Variants in UBE3C observed in about 807,000 individuals in gnomAD.
UBE3C encodes the protein ubiquitin-protein ligase E3C.
Under a neutral mutation model 129.4 loss-of-function variants are expected in UBE3C, and 42 were observed. The observed-to-expected ratio is 0.32, with a 90% CI of 0.25 to 0.42. UBE3C has a LOEUF of 0.42. Among genes scored for constraint, UBE3C ranks in the 10% least tolerant of loss-of-function variants. The pLI, the probability that UBE3C is intolerant of heterozygous loss-of-function variation, is 1.00. For missense variants in UBE3C, 1,049 were observed against 1,319.1 expected (o/e 0.80, Z 3.17); for synonymous variants, 510 against 492.4 (o/e 1.04, Z -0.47).
intron 22 of UBE3C, among the ~76,000 whole-genome samples, chr7:157,266,263 G>A (rs962681149): frequency 7.2e-5 from 11 of 152,148 alleles, no homozygotes; most frequent in Admixed American, 2.0e-4. Flanking sequence ...GCAGTAAGCC[G>A]AGATTGCACC....
At chr7:157,182,569 CAG>C (rs1586669525) in intron 8 of UBE3C, among the ~76,000 whole-genome samples, 1 of 152,150 alleles carries the variant, frequency 6.6e-6, no homozygotes, top group Non-Finnish European at 1.5e-5. Flanking sequence ...ATAGAGTTAA[CAG>C]AGTTAAATGG....
chr7:157,183,161 A>G (rs980919830), intron 8 of UBE3C, among the ~76,000 whole-genome samples: 4 of 152,132 alleles, frequency 2.6e-5, no homozygotes, highest in African/African-American at 7.2e-5. Context: ...TAGGTATTCT[A>G]CAATTCAGTT....
At position 157,183,258 on chromosome 7, in the gene UBE3C, C is replaced by T. The variant is rs117368856; in HGVS notation, c.992-620C>T. On this transcript the variant is annotated intron_variant, in intron 8 of 22. Coordinates refer to ENST00000348165, the MANE Select transcript of UBE3C (RefSeq NM_014671.3). ...GCAAGACTACACCCACTTCAGAGGC[C>T]GATTACAAGTAGTAGGTTGTCACCT... is the stretch of plus-strand genomic sequence containing the variant. Among the ~76,000 whole-genome samples the T allele has an allele frequency of 3.7e-3, 562 of 152,264 alleles. 3 individuals are homozygous for T. Among genetic ancestry groups the T allele is most frequent in the Middle Eastern group, 6.8e-3 (2 of 294 alleles).
chr7:157,156,872 A>G (rs907097351), intron 1 of UBE3C, among the ~76,000 whole-genome samples: 7 of 152,112 alleles, frequency 4.6e-5, no homozygotes, highest in South Asian at 2.1e-4. Flanking sequence ...TGAATGCCCT[A>G]TAATTTTCAG....
chr7:157,227,437 G>T (rs28463479), intron 17 of UBE3C, among the ~76,000 whole-genome samples: 1 of 151,974 alleles, frequency 6.6e-6, no homozygotes, highest in African/African-American at 2.4e-5. Flanking sequence ...AGTGGCTCAC[G>T]CCTGTAATCC....
intron 10 of UBE3C, 105 bp downstream of exon 10, chr7:157,187,126 A>G (rs1388189986): frequency 3.9e-6 from 5 of 1,294,022 alleles, no homozygotes. Context: ...TTTCTGGTAG[A>G]GATTGATGTA....
At position 157,186,817 on chromosome 7, in the gene UBE3C, G is replaced by T; in HGVS notation, c.1144-17G>T. 1 of 1,612,856 alleles carries T rather than the reference G, an allele frequency of 6.2e-7. No individual in the cohort carries two copies. The highest frequency in any genetic ancestry group is 8.5e-7 in the Non-Finnish European group (1 of 1,179,108). Reference sequence around the variant, plus strand: ...TTGAGCACATTTATGGAGACTGGTTGTTCTGGTATGTTCTAGGAGGATGGC... The same window carrying T: ...TTGAGCACATTTATGGAGACTGGTTTTTCTGGTATGTTCTAGGAGGATGGC... On this transcript the variant is annotated splice_polypyrimidine_tract_variant and intron_variant, in intron 9 of 22. Transcript: ENST00000348165.
intron 11 of UBE3C, among the ~76,000 whole-genome samples, chr7:157,204,417 A>T (rs1267500753): frequency 6.6e-6 from 1 of 151,492 alleles, no homozygotes; most frequent in African/African-American, 2.4e-5. Flanking sequence ...AAAAAAAAAA[A>T]ATTTCAGCTT....
At chr7:157,249,223 G>A (rs1000389382) in intron 19 of UBE3C, among the ~76,000 whole-genome samples, 3 of 151,936 alleles carry the variant, frequency 2.0e-5, no homozygotes, top group South Asian at 2.1e-4. Flanking sequence ...CAGAGCAACC[G>A]TGCACCCATT....
chr7:157,148,989 A>G (rs1048408809), intron 1 of UBE3C, among the ~76,000 whole-genome samples: 1 of 152,158 alleles, frequency 6.6e-6, no homozygotes. Flanking sequence ...CTTCGAATAC[A>G]GTTATGCTGT....
intron 17 of UBE3C, among the ~76,000 whole-genome samples, chr7:157,230,302 G>T (rs1795987841): frequency 6.6e-6 from 1 of 151,772 alleles, no homozygotes; most frequent in Non-Finnish European, 1.5e-5. Flanking sequence ...GATCAGGGTT[G>T]TCCAATCCTT....
In UBE3C at chr7:157,234,230, ATGTCT is replaced by A. The variant is rs1275289609; in HGVS notation, c.2481+2905_2481+2909del. On this transcript the variant is annotated intron_variant, in intron 18 of 22. Coordinates refer to ENST00000348165, the MANE Select transcript of UBE3C (RefSeq NM_014671.3). ...TTTTTTCTTTTATTGCTTGTTTTTG[ATGTCT>A]TATCCATTCCCTGACCTAAAATCAC... Among the ~76,000 whole-genome samples, 5 of 151,800 alleles carry A rather than the reference ATGTCT, an allele frequency of 3.3e-5. No individual in the cohort carries two copies. In the East Asian group the frequency reaches 7.7e-4, roughly 23 times the overall value.
chr7:157,180,420 G>A (rs940303148), intron 6 of UBE3C, among the ~76,000 whole-genome samples: 2 of 152,146 alleles, frequency 1.3e-5, no homozygotes, highest in Admixed American at 6.5e-5. Flanking sequence ...AGTTTCACTA[G>A]TTATCAGTAT....
intron 10 of UBE3C, among the ~76,000 whole-genome samples, chr7:157,192,029 A>G (rs1285579515): frequency 6.6e-6 from 1 of 152,242 alleles, no homozygotes; most frequent in Non-Finnish European, 1.5e-5. Flanking sequence ...ACATTTCAGC[A>G]CATAGTGATC....
intron 1 of UBE3C, among the ~76,000 whole-genome samples, chr7:157,144,078 G>T (rs1251865692): frequency 6.6e-6 from 1 of 152,232 alleles, no homozygotes; most frequent in Admixed American, 6.5e-5. Flanking sequence ...ATTCTGTAGG[G>T]TAGTCAGAGT....
chr7:157,252,177 A>T (rs192470268), intron 19 of UBE3C, among the ~76,000 whole-genome samples: 49 of 152,222 alleles, frequency 3.2e-4, no homozygotes, highest in African/African-American at 1.1e-3. Flanking sequence ...TTCTCTGATC[A>T]GGCAAGGTAA....
At position 157,267,866 on chromosome 7, in the gene UBE3C, C is replaced by T; in HGVS notation, c.*111C>T. On this transcript the variant is annotated 3_prime_UTR_variant, in exon 23 of 23. Coordinates refer to ENST00000348165, the MANE Select transcript of UBE3C (RefSeq NM_014671.3). ...TGCACGCCTGAGGCTCTCCTAAGCT[C>T]CTTCTTTCATTCTGCCATTCCTCCC... 1.1e-6 allele frequency: 1 copy of T among 894,696 alleles called. No homozygotes were observed. Among genetic ancestry groups the T allele is most frequent in the Non-Finnish European group, 1.6e-6 (1 of 623,318 alleles). The allele number at this position is 894,696 out of a possible 1,614,324, so 55.4% of individuals were successfully genotyped here. A position where few individuals can be genotyped will look rare whatever the true frequency, so the allele number is the denominator to read the frequency against.
At chr7:157,226,480 GT>G (rs1795882927) in intron 17 of UBE3C, among the ~76,000 whole-genome samples, 1 of 152,190 alleles carries the variant, frequency 6.6e-6, no homozygotes, top group South Asian at 2.1e-4. Context: ...TAAAATGAAA[GT>G]TTAGGCTGGA....
intron 13 of UBE3C, 125 bp from the exon 14 acceptor site, chr7:157,216,742 G>T: frequency 1.4e-6 from 1 of 704,898 alleles, no homozygotes; most frequent in South Asian, 1.7e-5. Flanking sequence ...GAGCGGGTTT[G>T]GTGTCCGGCT....
Sources: gnomAD v4.1 joint callset for allele counts (sites outside exome capture counted in the v4.1 genomes callset) on GRCh38, gnomAD v4.1.1 for gene constraint, MANE v1.5 for transcripts, NCBI Gene and HGNC (gene_info 2026-07-23, HGNC 2026-07-21) for gene names.